Variants in ARL15 observed in about 807,000 individuals in gnomAD.
The protein encoded by ARL15 is ARF like GTPase 15.
ARL15 carries 19 observed loss-of-function variants against 25.2 expected under a neutral mutation model. That is an observed-to-expected ratio of 0.75 (90% CI 0.53 to 1.10). The LOEUF (loss-of-function observed/expected upper bound fraction) is 1.10. Ranked by LOEUF, ARL15 falls within the 50% of genes least tolerant of loss-of-function variation. The pLI, the probability that ARL15 is intolerant of heterozygous loss-of-function variation, is 0.00. For missense variants in ARL15, 220 were observed against 246.0 expected (o/e 0.89, Z 0.71); for synonymous variants, 94 against 86.8 (o/e 1.08, Z -0.46).
chr5:54,083,922 G>C (rs559360568), intron 4 of ARL15, among the ~76,000 whole-genome samples: 60 of 152,292 alleles, frequency 3.9e-4, no homozygotes, highest in African/African-American at 9.4e-4. Context: ...AAATGGAGTA[G>C]GGAGGGGGCT....
At chr5:54,238,570 T>C (rs1020778584) in intron 1 of ARL15, among the ~76,000 whole-genome samples, 2 of 152,174 alleles carry the variant, frequency 1.3e-5, no homozygotes, top group South Asian at 2.1e-4. Flanking sequence ...TGAGTGGCTA[T>C]CTCTAAAGCC....
intron 4 of ARL15, among the ~76,000 whole-genome samples, chr5:53,943,931 A>C (rs1217413164): frequency 6.6e-6 from 1 of 152,228 alleles, no homozygotes; most frequent in Non-Finnish European, 1.5e-5. Flanking sequence ...TAAAATTAAA[A>C]GGAAATGGAA....
intron 4 of ARL15, among the ~76,000 whole-genome samples, chr5:53,969,797 TA>T (rs1337323965): frequency 5.3e-5 from 8 of 151,966 alleles, no homozygotes; most frequent in Non-Finnish European, 1.5e-5. Flanking sequence ...TTTGTTTCAA[TA>T]ATAAAAATGT....
At chr5:54,215,842 A>C (rs1161266256) in intron 1 of ARL15, among the ~76,000 whole-genome samples, 1 of 152,090 alleles carries the variant, frequency 6.6e-6, no homozygotes, top group East Asian at 1.9e-4. Context: ...AAAAGAATGG[A>C]TCCAAGGTGT....
intron 4 of ARL15, among the ~76,000 whole-genome samples, chr5:53,936,875 C>T (rs375457405): frequency 6.6e-6 from 1 of 152,184 alleles, no homozygotes; most frequent in Non-Finnish European, 1.5e-5. Flanking sequence ...CCCTCTGCTA[C>T]CTATCATTTG....
At chr5:54,096,324 T>C (rs1455866650) in intron 4 of ARL15, among the ~76,000 whole-genome samples, 2 of 152,230 alleles carry the variant, frequency 1.3e-5, no homozygotes, top group Non-Finnish European at 2.9e-5. Flanking sequence ...CCTTACACAA[T>C]GGTGGCACAC....
chr5:54,289,480 C>G (rs910848057), intron 1 of ARL15, among the ~76,000 whole-genome samples: 46 of 152,182 alleles, frequency 3.0e-4, no homozygotes, highest in Non-Finnish European at 3.5e-4. Context: ...GCCAAAAAAG[C>G]TTTCAACAGC....
intron 4 of ARL15, among the ~76,000 whole-genome samples, chr5:54,071,154 C>T (rs890081255): frequency 3.4e-5 from 5 of 147,038 alleles, no homozygotes; most frequent in African/African-American, 1.0e-4. Flanking sequence ...TAGATGACAA[C>T]GTGAGACCCT....
chr5:53,978,088 CA>C (rs1561173482), intron 4 of ARL15, among the ~76,000 whole-genome samples: 1 of 152,004 alleles, frequency 6.6e-6, no homozygotes, highest in African/African-American at 2.4e-5. Flanking sequence ...CATGTGTTCC[CA>C]AACATTTCAA....
At chr5:54,270,570 G>C (rs1231522522) in intron 1 of ARL15, among the ~76,000 whole-genome samples, 1 of 152,190 alleles carries the variant, frequency 6.6e-6, no homozygotes, top group African/African-American at 2.4e-5. Flanking sequence ...TTAAGCACTT[G>C]CAACATGCCA....
chr5:54,191,520 T>C (rs955749398), intron 1 of ARL15, among the ~76,000 whole-genome samples: 5 of 152,156 alleles, frequency 3.3e-5, no homozygotes, highest in Non-Finnish European at 7.3e-5. Context: ...AATCCCACAA[T>C]TTATAACTCA....
intron 1 of ARL15, among the ~76,000 whole-genome samples, chr5:54,298,894 T>G (rs556572386): frequency 5.0e-4 from 5 of 10,092 alleles, no homozygotes; most frequent in Non-Finnish European, 1.3e-3. Flanking sequence ...GGTTTTTTGG[T>G]TTTTTTTTCC....
chr5:54,278,278 T>C (rs928968470), intron 1 of ARL15, among the ~76,000 whole-genome samples: 4 of 152,210 alleles, frequency 2.6e-5, no homozygotes, highest in Non-Finnish European at 5.9e-5. Flanking sequence ...AGCTCAACCA[T>C]GCCTGATGGT....
At chr5:54,207,288 G>A (rs1283408593) in intron 1 of ARL15, among the ~76,000 whole-genome samples, 1 of 152,136 alleles carries the variant, frequency 6.6e-6, no homozygotes, top group Non-Finnish European at 1.5e-5. Context: ...AGGCCAAACT[G>A]CACTTAAAAC....
At chr5:53,916,986 T>G (rs766098613) in intron 4 of ARL15, among the ~76,000 whole-genome samples, 43 of 152,204 alleles carry the variant, frequency 2.8e-4, no homozygotes, top group Admixed American at 1.6e-3. Flanking sequence ...TACACAAAGC[T>G]TCAGCTTACT....
chr5:54,055,705 T>C (rs1374298250), intron 4 of ARL15, among the ~76,000 whole-genome samples: 2 of 152,144 alleles, frequency 1.3e-5, no homozygotes, highest in African/African-American at 2.4e-5. Flanking sequence ...TGTATGATTA[T>C]ACTCACTTGC....
At chr5:54,117,056 T>C (rs1490418491) in intron 3 of ARL15, among the ~76,000 whole-genome samples, 1 of 152,220 alleles carries the variant, frequency 6.6e-6, no homozygotes, top group Non-Finnish European at 1.5e-5. Flanking sequence ...TACAAGTCTC[T>C]GAGCTAGGAC....
In ARL15 at chr5:54,165,351, T is replaced by A. The variant is rs1579864534; in HGVS notation, c.193+6433A>T. 2.0e-5 allele frequency among the ~76,000 whole-genome samples: 3 copies of A among 151,994 alleles called. No individual in the cohort carries two copies. In the East Asian group the frequency reaches 5.8e-4, roughly 29 times the overall value. On this transcript the variant is annotated intron_variant, in intron 2 of 4. Transcript: ENST00000504924. ...AGATCCAGATTTCCATCTGGTATCA[T>A]TTTTTTTCTGACTCAAGGACTTCTT...
At chr5:54,194,416 G>A (rs566592498) in intron 1 of ARL15, among the ~76,000 whole-genome samples, 15 of 151,668 alleles carry the variant, frequency 9.9e-5, no homozygotes, top group Admixed American at 9.8e-4. Flanking sequence ...ACCTCCATAC[G>A]GCCTCACCAA....
Sources: allele counts gnomAD v4.1 joint callset (sites outside exome capture counted in the v4.1 genomes callset), GRCh38; gene constraint gnomAD v4.1.1; transcripts MANE v1.5; gene names NCBI Gene and HGNC (gene_info 2026-07-23, HGNC 2026-07-21).